Variants in RNF111 observed in about 807,000 individuals in gnomAD.
The protein encoded by RNF111 is E3 ubiquitin-protein ligase Arkadia.
Under a neutral mutation model 95.1 loss-of-function variants are expected in RNF111, and 17 were observed. The observed-to-expected ratio is 0.18, with a 90% CI of 0.12 to 0.27. The LOEUF is 0.27. Ranked by LOEUF, RNF111 falls within the 10% of genes least tolerant of loss-of-function variation. The pLI, the probability that RNF111 is intolerant of heterozygous loss-of-function variation, is 1.00. For missense variants in RNF111, 1,189 were observed against 1,210.4 expected (o/e 0.98, Z 0.26); for synonymous variants, 440 against 414.8 (o/e 1.06, Z -0.74).
At chr15:59,062,230 A>T (rs1358632188) in intron 5 of RNF111, among the ~76,000 whole-genome samples, 1 of 151,778 alleles carries the variant, frequency 6.6e-6, no homozygotes, top group Non-Finnish European at 1.5e-5. Context: ...TTTTGTAGAG[A>T]TAGGGTTTTG....
At position 59,053,650 on chromosome 15, in the gene RNF111, T is replaced by A. The variant is rs538162846; in HGVS notation, c.1007+1219T>A. ...TGAGTAAAACTGAAAACCAGTGTTA[T>A]GTACCACACCTATCCTCTGACCGTG... On this transcript the variant is annotated intron_variant, in intron 3 of 13. Transcript: ENST00000348370. Among the ~76,000 whole-genome samples the A allele has an allele frequency of 2.0e-5, 3 of 152,320 alleles. No individual in the cohort carries two copies. In the South Asian group the frequency reaches 6.2e-4, roughly 32 times the overall value.
chr15:59,052,389 C>G lies in RNF111; in HGVS notation c.965C>G (p.Thr322Ser). 6.2e-7 allele frequency: 1 copy of G among 1,602,560 alleles called. No individual in the cohort carries two copies. The highest frequency in any genetic ancestry group is 1.3e-5 in the African/African-American group (1 of 74,774). Residue 322 changes from threonine to serine, a missense_variant, in exon 3 of 14, where the codon ACT becomes AGT. This residue lies in a region of RNF111 where 1,024 missense variants were observed against 925.9 expected (regional missense o/e 1.11). Coordinates refer to ENST00000348370, the MANE Select transcript of RNF111 (RefSeq NM_017610.8). ...TANEEINVTS[T>S]DSEVEIVTVG... ...AATGAAGAAATTAATGTTACCTCAA[C>G]TGACAGTGAAGTGGAGATTGTAACA...
At chr15:59,082,037 C>T (rs768446057) in intron 8 of RNF111, among the ~76,000 whole-genome samples, 4 of 152,154 alleles carry the variant, frequency 2.6e-5, no homozygotes, top group Non-Finnish European at 5.9e-5. Flanking sequence ...ATGATCATGC[C>T]ACTGCACTGC....
intron 1 of RNF111, among the ~76,000 whole-genome samples, chr15:59,017,082 A>C (rs1451832803): frequency 6.6e-6 from 1 of 151,980 alleles, no homozygotes; most frequent in African/African-American, 2.4e-5. Flanking sequence ...ATATATTGCA[A>C]TGCAATGATA....
chr15:59,075,680 T>A (rs1437399426), intron 6 of RNF111, among the ~76,000 whole-genome samples: 1 of 152,208 alleles, frequency 6.6e-6, no homozygotes, highest in African/African-American at 2.4e-5. Flanking sequence ...TATTAAACTT[T>A]TGTTCATCTT....
intron 1 of RNF111, among the ~76,000 whole-genome samples, chr15:59,029,186 T>A (rs1245240082): frequency 6.6e-6 from 1 of 152,182 alleles, no homozygotes; most frequent in Non-Finnish European, 1.5e-5. Flanking sequence ...TTTTTATGCA[T>A]CCTCTCTAAC....
In RNF111 at chr15:59,067,041, T is replaced by C. The variant is rs763652520; in HGVS notation, c.1644T>C (p.Pro548=). The C allele has an allele frequency of 1.2e-6, 2 of 1,614,036 alleles. No individual in the cohort carries two copies. Among genetic ancestry groups the C allele is most frequent in the African/African-American group, 2.7e-5 (2 of 74,908 alleles). The change falls in exon 6 of 14, where the codon CCT becomes CCC. Residue 548 remains proline, a synonymous_variant. Coordinates refer to ENST00000348370, the MANE Select transcript of RNF111 (RefSeq NM_017610.8). ...PVERPPQVQA[P]CGANSSSGTS... is the part of the protein sequence containing the mutation. The stretch of plus-strand genomic sequence containing the variant: ...AAAGACCTCCACAAGTACAAGCACC[T>C]TGTGGAGCAAATAGTAGTTCTGGTA...
At chr15:59,053,818 G>A (rs1238015265) in intron 3 of RNF111, among the ~76,000 whole-genome samples, 4 of 152,074 alleles carry the variant, frequency 2.6e-5, no homozygotes, top group Non-Finnish European at 2.9e-5. Context: ...GAGTTAATAG[G>A]CAGTGATCTT....
chr15:58,990,644 A>G lies in RNF111; in HGVS notation c.-20+2576A>G, dbSNP rs1027896556. ...ACTCCAGCTTGGGCGACAGAGCGAG[A>G]CTGTTTCTCAAAACAAACAAACAAA... is the stretch of plus-strand genomic sequence containing the variant. On this transcript the variant is annotated intron_variant, in intron 1 of 13. Transcript: ENST00000348370. Among the ~76,000 whole-genome samples the G allele has an allele frequency of 5.9e-5, 9 of 152,330 alleles. 1 individual carries two copies. The highest frequency in any genetic ancestry group is 5.9e-4 in the Admixed American group (9 of 15,294).
intron 1 of RNF111, among the ~76,000 whole-genome samples, chr15:59,010,082 T>C (rs1257812194): frequency 6.6e-6 from 1 of 152,248 alleles, no homozygotes; most frequent in Non-Finnish European, 1.5e-5. Context: ...ATGTGACATT[T>C]TGTTTATGCC....
At chr15:59,073,481 C>CAA (rs34527160) in intron 6 of RNF111, among the ~76,000 whole-genome samples, 597 of 115,754 alleles carry the variant, frequency 5.2e-3, no homozygotes, top group African/African-American at 8.8e-3. Flanking sequence ...ACACCATCTC[C>CAA]AAAAAAAAAA....
intron 1 of RNF111, among the ~76,000 whole-genome samples, chr15:59,029,168 AT>A (rs2040778399): frequency 6.6e-6 from 1 of 151,722 alleles, no homozygotes. Context: ...GAGGGTTCCA[AT>A]GTTTTTTTTT....
intron 13 of RNF111, among the ~76,000 whole-genome samples, chr15:59,094,510 C>T (rs183008315): frequency 2.9e-3 from 444 of 152,168 alleles, no homozygotes; most frequent in Non-Finnish European, 4.9e-3. Flanking sequence ...AGCTCCTGTA[C>T]CAAAACAAAA....
chr15:59,068,388 C>G (rs1472283708), intron 6 of RNF111, among the ~76,000 whole-genome samples: 2 of 152,206 alleles, frequency 1.3e-5, no homozygotes, highest in Admixed American at 1.3e-4. Context: ...AAGTGGATCA[C>G]CTGAGGTCAG....
In RNF111 at chr15:59,045,167, AG is replaced by A. The variant is rs1264985884; in HGVS notation, c.881-7137del. On this transcript the variant is annotated intron_variant, in intron 2 of 13. Transcript: ENST00000348370. ...TCGATAATGTTAGCTTATTTTTTAC[AG>A]TTTTTTTTTTTAAGTGTTTCCTCTT... Among the ~76,000 whole-genome samples, 5 of 112,526 alleles carry A rather than the reference AG, an allele frequency of 4.4e-5. No homozygotes were observed. In the East Asian group the frequency reaches 1.3e-3, roughly 29 times the overall value. The allele number at this position is 112,526 out of a possible 152,430, so 73.8% of individuals were successfully genotyped here.
chr15:59,013,137 G>A (rs1465972136), intron 1 of RNF111, among the ~76,000 whole-genome samples: 1 of 152,158 alleles, frequency 6.6e-6, no homozygotes. Flanking sequence ...TTTCTCTCCT[G>A]CCTTTCCTAG....
At chr15:59,010,295 CT>C (rs1320606388) in intron 1 of RNF111, among the ~76,000 whole-genome samples, 2 of 152,054 alleles carry the variant, frequency 1.3e-5, no homozygotes. Flanking sequence ...TTTATGAAAA[CT>C]TTTTCAAAAC....
chr15:59,043,021 C>A (rs1390651334), intron 2 of RNF111, among the ~76,000 whole-genome samples: 1 of 151,982 alleles, frequency 6.6e-6, no homozygotes, highest in African/African-American at 2.4e-5. Flanking sequence ...GGGATGTCTT[C>A]ATTTGTTGAT....
intron 1 of RNF111, among the ~76,000 whole-genome samples, chr15:59,018,874 C>G (rs2040195743): frequency 6.6e-6 from 1 of 151,920 alleles, no homozygotes; most frequent in African/African-American, 2.4e-5. Flanking sequence ...CAGCTTTTCC[C>G]TTTTGTTTCT....
Sources: allele counts gnomAD v4.1 joint callset (sites outside exome capture counted in the v4.1 genomes callset), GRCh38; gene constraint gnomAD v4.1.1; regional missense constraint gnomAD v4.1.1; transcripts MANE v1.5; gene names NCBI Gene and HGNC (gene_info 2026-07-23, HGNC 2026-07-21).